The following NPLOC4 variants were observed in gnomAD, a reference collection of about 807,000 sequenced individuals.
The protein encoded by NPLOC4 is NPL4 homolog, ubiquitin recognition factor, also known as nuclear protein localization protein 4 homolog.
NPLOC4 carries 18 observed loss-of-function variants against 80.6 expected under a neutral mutation model. The ratio of observed to expected loss-of-function variants is 0.22; its 90% CI spans 0.15 to 0.33. NPLOC4 has a LOEUF of 0.33. NPLOC4 is among the 10% of genes least tolerant of loss of function. The pLI, the probability that NPLOC4 is intolerant of heterozygous loss-of-function variation, is 1.00. For synonymous variants in NPLOC4, 313 were observed against 301.5 expected, an observed-to-expected ratio of 1.04 and a Z score of -0.39; for missense variants, 540 against 786.1, an observed-to-expected ratio of 0.69 and a Z score of 3.74.
At chr17:81,636,574 G>C in intron 1 of NPLOC4, 1 of 233,264 alleles carries the variant, frequency 4.3e-6, no homozygotes. Flanking sequence ...GGGAGTCCCT[G>C]GAATTAGACC....
intron 1 of NPLOC4, 168 bp from the exon 2 acceptor site, chr17:81,629,973 G>C: frequency 1.7e-6 from 1 of 573,370 alleles, no homozygotes; most frequent in Non-Finnish European, 3.1e-6. Flanking sequence ...ATGATGCCGA[G>C]GGGTGAGATT....
chr17:81,604,456 A>G, intron 8 of NPLOC4, 92 bp downstream of exon 8: 1 of 1,200,032 alleles, frequency 8.3e-7, no homozygotes, highest in Non-Finnish European at 1.2e-6. Context: ...GGGAACAAAC[A>G]ACAAAGCGAA....
At chr17:81,599,760 A>T (rs1307213363) in intron 9 of NPLOC4, among the ~76,000 whole-genome samples, 1 of 152,264 alleles carries the variant, frequency 6.6e-6, no homozygotes, top group Non-Finnish European at 1.5e-5. Context: ...GATCAATAGA[A>T]TAAAAAAGGA....
At position 81,608,389 on chromosome 17, in the gene NPLOC4, C is replaced by G. The variant is rs548273465; in HGVS notation, c.530+339G>C. Among the ~76,000 whole-genome samples, 14 of 151,790 alleles carry G rather than the reference C, an allele frequency of 9.2e-5. No homozygotes were observed. In the East Asian group the frequency reaches 2.5e-3, roughly 27 times the overall value. On this transcript the variant is annotated intron_variant, in intron 6 of 16. Coordinates refer to ENST00000331134, the MANE Select transcript of NPLOC4 (RefSeq NM_017921.4). ...GTGGCCACGCAGCCAGGCGCCTGCA[C>G]AGTCGCTCTGCCTTGCTAGCTCCCT...
chr17:81,588,404 G>C (rs1288718359), intron 12 of NPLOC4, among the ~76,000 whole-genome samples: 6 of 152,156 alleles, frequency 3.9e-5, no homozygotes, highest in Admixed American at 3.9e-4. Context: ...CTGTCACCCA[G>C]GCCTGTAGTG....
intron 13 of NPLOC4, among the ~76,000 whole-genome samples, chr17:81,571,304 C>G (rs925183996): frequency 1.3e-5 from 2 of 152,234 alleles, no homozygotes; most frequent in East Asian, 3.8e-4. Context: ...TCCGGTGGGG[C>G]TGATGCACTG....
intron 6 of NPLOC4, 134 bp from the exon 7 acceptor site, chr17:81,606,948 T>C: frequency 1.3e-6 from 1 of 754,670 alleles, no homozygotes; most frequent in Non-Finnish European, 2.2e-6. Flanking sequence ...GCAGGGAAGA[T>C]GGGCTAAGGA....
chr17:81,594,091 G>A (rs574310900), intron 11 of NPLOC4, among the ~76,000 whole-genome samples: 1 of 151,836 alleles, frequency 6.6e-6, no homozygotes, highest in South Asian at 2.1e-4. Context: ...GGCTAACACG[G>A]TGAAACCCCG....
At chr17:81,618,516 C>T (rs2035570747) in intron 3 of NPLOC4, among the ~76,000 whole-genome samples, 2 of 149,474 alleles carry the variant, frequency 1.3e-5, no homozygotes, top group East Asian at 4.2e-4. Context: ...CGGCCAGCCG[C>T]CCCGTCCGGG....
In NPLOC4 at chr17:81,580,527, G is replaced by A. The variant is rs2034410093; in HGVS notation, c.1281+8417C>T. ...AAGGGCCCCTCCCACCTCTACCCCA[G>A]CAGGCCACCCTGCTTATCACTCTCT... On this transcript the variant is annotated intron_variant, in intron 12 of 16. Transcript: ENST00000331134. The surrounding 1 kb of genome is among the most constrained non-coding windows in gnomAD (Gnocchi z 4.4). 6.6e-6 allele frequency among the ~76,000 whole-genome samples: 1 copy of A among 152,026 alleles called. No individual in the cohort carries two copies. Among genetic ancestry groups the A allele is most frequent in the Non-Finnish European group, 1.5e-5 (1 of 68,006 alleles).
chr17:81,605,966 G>A (rs557041818), intron 7 of NPLOC4, among the ~76,000 whole-genome samples: 2 of 151,430 alleles, frequency 1.3e-5, no homozygotes, highest in Admixed American at 1.3e-4. Flanking sequence ...GACGACAGGC[G>A]CCCATCACTA....
chr17:81,585,823 C>T (rs572370354), intron 12 of NPLOC4, among the ~76,000 whole-genome samples: 21 of 151,616 alleles, frequency 1.4e-4, no homozygotes, highest in African/African-American at 3.4e-4. Flanking sequence ...CCTGATTCTA[C>T]TAAAAATACA....
In NPLOC4 at chr17:81,567,615, C is replaced by T. The variant is rs1018096472; in HGVS notation, c.1450-82G>A. The T allele has an allele frequency of 2.2e-5, 18 of 811,142 alleles. No individual in the cohort carries two copies. Among genetic ancestry groups the T allele is most frequent in the African/African-American group, 1.9e-4 (11 of 59,076 alleles). 50.2% of individuals were successfully genotyped at this position (811,142 alleles called of 1,614,324 possible). A position where few individuals can be genotyped will look rare whatever the true frequency, so the allele number is the denominator to read the frequency against. ...GAAACAGAGCTGTTTCCTACTAAGACGCAACTCAATACACTGAATGCTGAG... is the reference window on the plus strand; with the variant it reads ...GAAACAGAGCTGTTTCCTACTAAGATGCAACTCAATACACTGAATGCTGAG... On this transcript the variant is annotated intron_variant, in intron 14 of 16. Transcript: ENST00000331134. The surrounding 1 kb of genome is among the most constrained non-coding windows in gnomAD (Gnocchi z 4.5).
chr17:81,600,566 T>G, intron 8 of NPLOC4, 139 bp from the exon 9 acceptor site: 1 of 656,858 alleles, frequency 1.5e-6, no homozygotes. Flanking sequence ...TAGCCACAGA[T>G]AAAACACATG....
rs17852306 is a variant in NPLOC4 at position 81,613,431 on chromosome 17, C to G, written c.273G>C (p.Thr91=). ...AGACTTTGAAGCCCGGTGGAACTGA[C>G]GTCTCCATTTCAGATGAGGGCCCAG... is the stretch of plus-strand genomic sequence containing the variant. ...SLAGPSSEME[T]SVPPGFKVFG... is the part of the protein sequence containing the mutation. The change falls in exon 4 of 17, where the codon ACG becomes ACC. Residue 91 remains threonine (T), a synonymous_variant. Coordinates refer to ENST00000331134, the MANE Select transcript of NPLOC4 (RefSeq NM_017921.4). The G allele has an allele frequency of 6.2e-7, 1 of 1,613,856 alleles. No homozygotes were observed. The highest frequency in any genetic ancestry group is 8.5e-7 in the Non-Finnish European group (1 of 1,179,866).
At chr17:81,613,545 C>T in intron 3 of NPLOC4, 51 bp from the exon 4 acceptor site, 2 of 1,542,616 alleles carry the variant, frequency 1.3e-6, no homozygotes, top group Non-Finnish European at 1.8e-6. Flanking sequence ...ACCTGAGCTT[C>T]ATGGAAGCCC....
In NPLOC4 at chr17:81,567,257, A is replaced by G. The variant is rs901455410; in HGVS notation, c.1566+160T>C. On this transcript the variant is annotated intron_variant, in intron 15 of 16. Transcript: ENST00000331134. This position sits in a 1 kb window ranked among gnomAD's most constrained non-coding sequence, Gnocchi z 4.5. ...CTTCTTGTGAAAAGCTGCTGCCTAC[A>G]CTCTGCCCATAGGACAAATGAGGGG... Among the ~76,000 whole-genome samples the G allele has an allele frequency of 6.6e-6, 1 of 152,130 alleles. No individual in the cohort carries two copies. Among genetic ancestry groups the G allele is most frequent in the Non-Finnish European group, 1.5e-5 (1 of 68,010 alleles).
intron 12 of NPLOC4, among the ~76,000 whole-genome samples, chr17:81,587,879 G>T (rs1444830117): frequency 1.3e-5 from 2 of 150,516 alleles, no homozygotes; most frequent in African/African-American, 4.9e-5. Flanking sequence ...GTTTCACCGT[G>T]TTAGCCAAGA....
intron 6 of NPLOC4, among the ~76,000 whole-genome samples, chr17:81,607,252 T>C (rs1476007265): frequency 6.6e-6 from 1 of 152,126 alleles, no homozygotes; most frequent in Non-Finnish European, 1.5e-5. Context: ...ATGGGAAAAA[T>C]CTGATTAGGA....
Sources: allele counts gnomAD v4.1 joint callset (sites outside exome capture counted in the v4.1 genomes callset), GRCh38; gene constraint gnomAD v4.1.1; non-coding constraint Gnocchi (gnomAD v3.1); transcripts MANE v1.5; gene names NCBI Gene and HGNC (gene_info 2026-07-23, HGNC 2026-07-21).